RDH10: variants seen among roughly 807,000 people sequenced by gnomAD.
RDH10 encodes retinol dehydrogenase 10 (all-trans).
A neutral mutation model predicts 30.2 loss-of-function variants in RDH10; 12 were observed. The ratio of observed to expected loss-of-function variants is 0.40; its 90% CI spans 0.25 to 0.64. RDH10 has a LOEUF of 0.64. Among genes scored for constraint, RDH10 ranks in the 30% least tolerant of loss-of-function variants. The pLI, the probability that RDH10 is intolerant of heterozygous loss-of-function variation, is 0.43. For missense variants in RDH10, 268 were observed against 445.2 expected, an observed-to-expected ratio of 0.60 and a Z score of 3.58; for synonymous variants, 189 against 172.2, an observed-to-expected ratio of 1.10 and a Z score of -0.76.
Position 73,295,271 on chromosome 8 carries a change from C to A in RDH10, c.-19C>A. 1.3e-6 allele frequency: 2 copies of A among 1,543,340 alleles called. No individual in the cohort carries two copies. The highest frequency in any genetic ancestry group is 2.5e-5 in the East Asian group (1 of 39,818). On this transcript the variant is annotated 5_prime_UTR_variant, in exon 1 of 6. Coordinates refer to ENST00000240285, the MANE Select transcript of RDH10 (RefSeq NM_172037.5). ...CGCGGACGCAGGCACTGGGCTCGTG[C>A]GGGGCCCCGGGCGTCGCGATGAACA...
intron 2 of RDH10, among the ~76,000 whole-genome samples, chr8:73,306,105 A>G (rs1032215419): frequency 2.0e-5 from 3 of 152,228 alleles, no homozygotes; most frequent in African/African-American, 7.2e-5. Context: ...CATAATAGGT[A>G]GCCTTCAGAA....
At chr8:73,300,953 A>G (rs1814361957) in intron 2 of RDH10, among the ~76,000 whole-genome samples, 1 of 151,122 alleles carries the variant, frequency 6.6e-6, no homozygotes, top group African/African-American at 2.4e-5. Context: ...AGCATTTGTT[A>G]TCATTCTCCC....
In RDH10 at chr8:73,322,916, C is replaced by T. The variant is rs200757823; in HGVS notation, c.906C>T (p.Ile302=). ...AGCTGTGACTTCCCTTTTTCAGCAT[C>T]CTACCATTTGAAGCAGTTGTGTGCA... The part of the protein sequence containing the change: ...LMYIVTFMKS[I]LPFEAVVCMY... The change falls in exon 6 of 6, where the codon ATC becomes ATT. Residue 302 remains isoleucine (I), a synonymous_variant. Transcript: ENST00000240285. The T allele has an allele frequency of 4.3e-6, 7 of 1,614,142 alleles. No homozygotes were observed. In the East Asian group the frequency reaches 1.3e-4, roughly 31 times the overall value.
At chr8:73,320,445 TTTTTTGTTTTTG>T (rs1212769266) in intron 3 of RDH10, among the ~76,000 whole-genome samples, 17 of 146,450 alleles carry the variant, frequency 1.2e-4, no homozygotes, top group South Asian at 6.7e-4. Flanking sequence ...TTTGTGTTTT[TTTTTTGTTTTTG>T]TTTTTGTTTT....
At chr8:73,299,057 G>A (rs937588728) in intron 2 of RDH10, among the ~76,000 whole-genome samples, 2 of 151,990 alleles carry the variant, frequency 1.3e-5, no homozygotes, top group South Asian at 2.1e-4. Context: ...CAGGTGATCC[G>A]CCCGCCTCAG....
Position 73,323,072 on chromosome 8 carries a change from G to A in RDH10, c.*36G>A, listed in dbSNP as rs761814881. On this transcript the variant is annotated 3_prime_UTR_variant, in exon 6 of 6. Coordinates refer to ENST00000240285, the MANE Select transcript of RDH10 (RefSeq NM_172037.5). ...GTATGGAATATTACTTCTATCAGAA[G>A]ATGATCAAGATGTTTCAGTCCAGTG... 1.9e-6 allele frequency: 3 copies of A among 1,540,270 alleles called. No homozygotes were observed. The Admixed American group carries it at 5.0e-5, about 26-fold the overall frequency.
chr8:73,299,783 A>G (rs1316243072), intron 2 of RDH10, among the ~76,000 whole-genome samples: 1 of 152,232 alleles, frequency 6.6e-6, no homozygotes, highest in Non-Finnish European at 1.5e-5. Flanking sequence ...TAAATACTTA[A>G]AACAAGAAAC....
intron 1 of RDH10, chr8:73,295,784 C>T (rs933993701): frequency 9.9e-7 from 1 of 1,013,174 alleles, no homozygotes; most frequent in Non-Finnish European, 1.3e-6. Flanking sequence ...GGTGCCCTGT[C>T]CTCGCGGAGG....
chr8:73,315,991 G>T (rs1165564728), intron 2 of RDH10, among the ~76,000 whole-genome samples: 1 of 152,150 alleles, frequency 6.6e-6, no homozygotes, highest in Non-Finnish European at 1.5e-5. Flanking sequence ...ACTTTTAAAA[G>T]ACATATAGGC....
intron 2 of RDH10, 64 bp downstream of exon 2, chr8:73,297,493 G>C: frequency 8.1e-7 from 1 of 1,232,916 alleles, no homozygotes; most frequent in Middle Eastern, 2.0e-4. Flanking sequence ...GGGAAGGGGA[G>C]AGACTTCAGT....
chr8:73,306,238 C>T (rs1814461558), intron 2 of RDH10, among the ~76,000 whole-genome samples: 2 of 152,240 alleles, frequency 1.3e-5, no homozygotes, highest in African/African-American at 4.8e-5. Flanking sequence ...CAGTCACCTG[C>T]ATCCCTGGGT....
At chr8:73,317,689 G>C (rs1586195474) in intron 2 of RDH10, among the ~76,000 whole-genome samples, 2 of 152,198 alleles carry the variant, frequency 1.3e-5, no homozygotes, top group East Asian at 3.8e-4. Flanking sequence ...AGGAGGCCGA[G>C]ATGGGAGGAT....
chr8:73,294,936 A>G lies in RDH10; in HGVS notation c.-354A>G. 2.5e-6 allele frequency: 1 copy of G among 393,730 alleles called. No homozygotes were observed. The highest frequency in any genetic ancestry group is 2.1e-5 in the African/African-American group (1 of 48,418). 24.4% of individuals were successfully genotyped at this position (393,730 alleles called of 1,614,324 possible). ...ACGCTCGGGCGGCAGCAGCTTGGCC[A>G]TGAGGGCAGTTCGAGTAGTCTAACT... is the stretch of plus-strand genomic sequence containing the variant. On this transcript the variant is annotated 5_prime_UTR_variant, in exon 1 of 6. The change abolishes an upstream ATG in the 5' untranslated region. Transcript: ENST00000240285.
intron 2 of RDH10, among the ~76,000 whole-genome samples, chr8:73,314,399 A>T (rs1224360351): frequency 6.6e-6 from 1 of 152,220 alleles, no homozygotes; most frequent in Non-Finnish European, 1.5e-5. Context: ...AATAGAATTC[A>T]TGTTGATCAA....
chr8:73,303,423 C>G (rs1563547844), intron 2 of RDH10, among the ~76,000 whole-genome samples: 1 of 152,072 alleles, frequency 6.6e-6, no homozygotes, highest in South Asian at 2.1e-4. Context: ...AATATTTGGC[C>G]AGTATTTCTC....
chr8:73,310,030 C>G (rs762808154), intron 2 of RDH10, among the ~76,000 whole-genome samples: 1 of 152,178 alleles, frequency 6.6e-6, no homozygotes, highest in African/African-American at 2.4e-5. Context: ...CTCCTGATGC[C>G]TGATTCTCCC....
At position 73,300,089 on chromosome 8, in the gene RDH10, G is replaced by A. The variant is rs1016987491; in HGVS notation, c.525+2660G>A. Among the ~76,000 whole-genome samples, 5 of 152,156 alleles carry A rather than the reference G, an allele frequency of 3.3e-5. No individual in the cohort carries two copies. In the East Asian group the frequency reaches 9.6e-4, roughly 29 times the overall value. On this transcript the variant is annotated intron_variant, in intron 2 of 5. Transcript: ENST00000240285. ...TCTTGGAAGCCTTGATGGTAATGAC[G>A]TCACTTTGTATTAAAATATGGGAGG...
chr8:73,322,257 G>A (rs80024309), intron 4 of RDH10: 3,981 of 322,740 alleles, frequency 0.012, 42 homozygotes, highest in African/African-American at 0.036. Flanking sequence ...GTGGATACCT[G>A]TGGCCTTCCT....
intron 3 of RDH10, among the ~76,000 whole-genome samples, chr8:73,320,692 G>A (rs542050264): frequency 1.5e-4 from 23 of 152,030 alleles, no homozygotes; most frequent in African/African-American, 5.1e-4. Flanking sequence ...GGCTGGTCTC[G>A]AGCTCCTGAC....
Sources: gnomAD v4.1 joint callset for allele counts (sites outside exome capture counted in the v4.1 genomes callset) on GRCh38, gnomAD v4.1.1 for gene constraint, MANE v1.5 for transcripts, NCBI Gene and HGNC (gene_info 2026-07-23, HGNC 2026-07-21) for gene names.